The following GALNT16 variants were observed in gnomAD, a reference collection of about 807,000 sequenced individuals.
GALNT16 encodes UDP-GalNAc:polypeptide N-acetylgalactosaminyltransferase-like protein 1.
A neutral mutation model predicts 76.1 loss-of-function variants in GALNT16; 40 were observed. The ratio of observed to expected loss-of-function variants is 0.53; its 90% CI spans 0.41 to 0.68. The LOEUF is 0.68. Among genes scored for constraint, GALNT16 ranks in the 30% least tolerant of loss-of-function variants. The probability of loss-of-function intolerance (pLI) is 0.00; values close to 1 mark genes in which losing one functional copy is unlikely to be tolerated. For synonymous variants in GALNT16, 276 were observed against 285.2 expected (o/e 0.97, Z 0.32); for missense variants, 621 against 731.9 (o/e 0.85, Z 1.75).
intron 1 of GALNT16, among the ~76,000 whole-genome samples, chr14:69,317,772 G>A (rs572523639): frequency 2.0e-5 from 3 of 152,294 alleles, no homozygotes; most frequent in South Asian, 2.1e-4. Context: ...GTTTTGAGAT[G>A]CCAAGTTAGG....
intron 1 of GALNT16, among the ~76,000 whole-genome samples, chr14:69,276,927 A>G (rs1394639667): frequency 3.9e-5 from 6 of 152,216 alleles, no homozygotes; most frequent in Non-Finnish European, 7.3e-5. Context: ...TGTTCCCCCA[A>G]GCCTGTCACG....
intron 9 of GALNT16, among the ~76,000 whole-genome samples, chr14:69,335,876 G>T (rs961316672): frequency 6.6e-6 from 1 of 152,168 alleles, no homozygotes; most frequent in Non-Finnish European, 1.5e-5. Flanking sequence ...CACCTTGAGT[G>T]GGGCTGGCAG....
At chr14:69,376,703 G>T in the GALNT16 span, among the ~76,000 whole-genome samples, 1 of 151,974 alleles carries the variant, frequency 6.6e-6, no homozygotes, top group South Asian at 2.1e-4. Flanking sequence ...CTCTGTTCCT[G>T]AGGAAACACA....
At chr14:69,360,458 T>G (rs1434725835), downstream of GALNT16, among the ~76,000 whole-genome samples, 1 of 151,088 alleles carries the variant, frequency 6.6e-6, no homozygotes, top group Non-Finnish European at 1.5e-5. Context: ...TGAAACCACA[T>G]CTCTACTAAA....
Position 69,261,357 on chromosome 14 carries a change from G to C in GALNT16, c.177+890G>C, listed in dbSNP as rs1353471060. Among the ~76,000 whole-genome samples, 1 of 152,178 alleles carries C rather than the reference G, an allele frequency of 6.6e-6. No individual in the cohort carries two copies. The highest frequency in any genetic ancestry group is 2.4e-5 in the African/African-American group (1 of 41,450). On this transcript the variant is annotated intron_variant, in intron 1 of 14. Coordinates refer to ENST00000448469, the MANE Select transcript of GALNT16 (RefSeq NM_001168368.2). This position sits in a 1 kb window ranked among gnomAD's most constrained non-coding sequence, Gnocchi z 6.4. ...GACAGAGCTGTGCGTGGCCAGGCAG[G>C]GGCACCTGTTGAGGCGGGAGGCTTT...
intron 1 of GALNT16, 53 bp from the exon 2 acceptor site, chr14:69,320,658 A>G (rs1594848321): frequency 2.6e-6 from 4 of 1,556,996 alleles, no homozygotes; most frequent in African/African-American, 2.7e-5. Context: ...GCACTCGCCA[A>G]GCAGTGGGGT....
chr14:69,303,976 TA>T (rs1188871836), intron 1 of GALNT16, among the ~76,000 whole-genome samples: 1 of 152,326 alleles, frequency 6.6e-6, no homozygotes, highest in African/African-American at 2.4e-5. Flanking sequence ...CTTTCCATGT[TA>T]AAAAATGTTG....
At chr14:69,372,030 A>G in the GALNT16 span, among the ~76,000 whole-genome samples, 1 of 152,214 alleles carries the variant, frequency 6.6e-6, no homozygotes, top group Non-Finnish European at 1.5e-5. Flanking sequence ...AAACAGTGAA[A>G]ATGAGGTGGA....
intron 12 of GALNT16, among the ~76,000 whole-genome samples, chr14:69,346,301 A>G (rs2045563797): frequency 6.6e-6 from 1 of 152,220 alleles, no homozygotes; most frequent in Non-Finnish European, 1.5e-5. Context: ...TGTTTTCAAT[A>G]TAATCAACCA....
Position 69,338,663 on chromosome 14 carries a change from G to A in GALNT16, c.980G>A (p.Arg327Lys), listed in dbSNP as rs1162540939. The change falls in exon 10 of 15, where the codon AGG (arginine) becomes AAG (lysine). Residue 327 changes from arginine (R) to lysine (K), a missense_variant. Coordinates refer to ENST00000448469, the MANE Select transcript of GALNT16 (RefSeq NM_001168368.2). ...CTATTTCCTGCAGAGCTCTCCTTCA[G>A]GGTGTGGATGTGTGGTGGCAGTCTG... ...WGGENFELSF[R>K]VWMCGGSLEI... 4 of 1,613,992 alleles carry A rather than the reference G, an allele frequency of 2.5e-6. No homozygotes were observed. The highest frequency in any genetic ancestry group is 3.4e-6 in the Non-Finnish European group (4 of 1,179,948).
chr14:69,321,005 A>G (rs759777946), intron 2 of GALNT16, 137 bp downstream of exon 2: 20 of 892,120 alleles, frequency 2.2e-5, no homozygotes, highest in Non-Finnish European at 2.8e-5. Context: ...ACATTCAAAA[A>G]CCCTCACCCT....
chr14:69,314,305 C>T (rs1205516351), intron 1 of GALNT16, among the ~76,000 whole-genome samples: 1 of 152,164 alleles, frequency 6.6e-6, no homozygotes, highest in Non-Finnish European at 1.5e-5. Flanking sequence ...GAAGAAGAAA[C>T]ATGTTCAGAA....
At chr14:69,327,362 A>G (rs146322124) in intron 5 of GALNT16, among the ~76,000 whole-genome samples, 5 of 152,236 alleles carry the variant, frequency 3.3e-5, no homozygotes, top group Admixed American at 6.5e-5. Flanking sequence ...AGTTTCGAAA[A>G]AAAGAAAGAA....
At chr14:69,274,033 G>A (rs1204202011) in intron 1 of GALNT16, among the ~76,000 whole-genome samples, 1 of 152,174 alleles carries the variant, frequency 6.6e-6, no homozygotes, top group Non-Finnish European at 1.5e-5. Context: ...CAGCCAAAGT[G>A]TCAGGGTTCA....
rs2045373647 is a variant in GALNT16 at position 69,333,006 on chromosome 14, C to T, written c.779-79C>T. On this transcript the variant is annotated intron_variant, in intron 7 of 14. Transcript: ENST00000448469. This position sits in a 1 kb window ranked among gnomAD's most constrained non-coding sequence, Gnocchi z 4.2. The stretch of plus-strand genomic sequence containing the variant: ...CCAGGGCTCTGATCAGGGGAGACTC[C>T]GAGGGGTGGTGGAGTGAAGGGTCTC... 14 of 974,786 alleles carry T rather than the reference C, an allele frequency of 1.4e-5. No homozygotes were observed. Among genetic ancestry groups the T allele is most frequent in the South Asian group, 3.8e-5 (3 of 78,056 alleles). 60.4% of individuals were successfully genotyped at this position (974,786 alleles called of 1,614,324 possible).
chr14:69,352,158 C>G lies in GALNT16; in HGVS notation c.1667C>G (p.Pro556Arg), dbSNP rs746434064. The G allele has an allele frequency of 4.3e-6, 7 of 1,611,098 alleles. No individual in the cohort carries two copies. In the South Asian group the frequency reaches 7.7e-5, roughly 18 times the overall value. Residue 556 changes from proline (P) to arginine (R), a missense_variant, in exon 15 of 15, where the codon CCA (proline) becomes CGA (arginine). By Grantham distance (103) the Pro-to-Arg change is moderately radical. Coordinates refer to ENST00000448469, the MANE Select transcript of GALNT16 (RefSeq NM_001168368.2). Reference protein sequence around the residue: ...DAQAQQWQLLPHT With the variant: ...DAQAQQWQLLRHT ...CAGGCCCAGCAGTGGCAGCTGTTGC[C>G]ACACACATGACGGTAGCCCTGGGGC... is the stretch of plus-strand genomic sequence containing the variant.
At chr14:69,336,871 C>A (rs116971746) in intron 9 of GALNT16, among the ~76,000 whole-genome samples, 3,438 of 152,078 alleles carry the variant, frequency 0.023, 55 homozygotes, top group Non-Finnish European at 0.036. Flanking sequence ...ACTACAGGTG[C>A]ATGCCGCCAC....
At chr14:69,289,510 C>T (rs929121650) in intron 1 of GALNT16, among the ~76,000 whole-genome samples, 2 of 152,050 alleles carry the variant, frequency 1.3e-5, no homozygotes, top group African/African-American at 2.4e-5. Context: ...CTTGTTGGCT[C>T]GGCCTATGTC....
chr14:69,272,376 A>C (rs1434044036), intron 1 of GALNT16, among the ~76,000 whole-genome samples: 1 of 152,046 alleles, frequency 6.6e-6, no homozygotes. Context: ...TAAATAAATA[A>C]ATAAATACAT....
Sources: gnomAD v4.1 joint callset for allele counts (sites outside exome capture counted in the v4.1 genomes callset) on GRCh38, gnomAD v4.1.1 for gene constraint, Gnocchi (gnomAD v3.1) non-coding constraint, MANE v1.5 for transcripts, NCBI Gene and HGNC (gene_info 2026-07-23, HGNC 2026-07-21) for gene names.